ADAMTS16: variants seen among roughly 807,000 people sequenced by gnomAD.
ADAMTS16 encodes the protein ADAM metallopeptidase with thrombospondin type 1 motif 16.
ADAMTS16 carries 94 observed loss-of-function variants against 145.8 expected under a neutral mutation model. The observed-to-expected ratio is 0.64, with a 90% CI of 0.55 to 0.77. The LOEUF is 0.77. Ranked by LOEUF, ADAMTS16 falls within the 30% of genes least tolerant of loss-of-function variation. The probability of loss-of-function intolerance (pLI) is 0.00; values close to 1 mark genes in which losing one functional copy is unlikely to be tolerated. For synonymous variants in ADAMTS16, 659 were observed against 604.3 expected, an observed-to-expected ratio of 1.09 and a Z score of -1.33; for missense variants, 1,585 against 1,591.5, an observed-to-expected ratio of 1.00 and a Z score of 0.07.
intron 10 of ADAMTS16, among the ~76,000 whole-genome samples, chr5:5,222,316 A>AATGGATGG (rs10664937): frequency 0.094 from 13,945 of 148,474 alleles, 773 homozygotes; most frequent in African/African-American, 0.15. Flanking sequence ...TGCATGGTTA[A>AATGGATGG]ATGGATGGAT....
At chr5:5,246,924 G>A (rs536813258) in intron 17 of ADAMTS16, among the ~76,000 whole-genome samples, 9 of 152,202 alleles carry the variant, frequency 5.9e-5, no homozygotes, top group Non-Finnish European at 1.3e-4. Flanking sequence ...AGACTGCGTT[G>A]TGTTCCAAGA....
chr5:5,236,024 A>G (rs2964435), intron 13 of ADAMTS16, among the ~76,000 whole-genome samples: 149,034 of 152,304 alleles, frequency 0.98, 72,973 homozygotes, highest in East Asian at 1. Context: ...TGTAGCCAGT[A>G]TGATACAGGC....
chr5:5,187,947 C>A (rs1275147018), intron 6 of ADAMTS16, 139 bp downstream of exon 6: 1 of 575,138 alleles, frequency 1.7e-6, no homozygotes, highest in South Asian at 2.5e-5. Flanking sequence ...GTGTCTACTG[C>A]AAATGAGTGT....
chr5:5,167,971 G>C (rs1463864360), intron 3 of ADAMTS16, among the ~76,000 whole-genome samples: 1 of 152,186 alleles, frequency 6.6e-6, no homozygotes, highest in Non-Finnish European at 1.5e-5. Flanking sequence ...AATGTGCATA[G>C]CCACATGTGG....
At chr5:5,201,656 G>T (rs1735960857) in intron 9 of ADAMTS16, among the ~76,000 whole-genome samples, 1 of 151,768 alleles carries the variant, frequency 6.6e-6, no homozygotes, top group Non-Finnish European at 1.5e-5. Context: ...ATAATCTCCA[G>T]GGAGATTCCA....
At chr5:5,261,164 G>T (rs143626046) in intron 17 of ADAMTS16, among the ~76,000 whole-genome samples, 2 of 152,222 alleles carry the variant, frequency 1.3e-5, no homozygotes, top group East Asian at 3.9e-4. Context: ...TTTGAGATAG[G>T]GTTTCCCTCT....
chr5:5,143,769 C>T (rs1453103765), intron 2 of ADAMTS16, among the ~76,000 whole-genome samples: 2 of 152,096 alleles, frequency 1.3e-5, no homozygotes, highest in Admixed American at 1.3e-4. Flanking sequence ...GAAAATGTGG[C>T]ACATATACAC....
intron 3 of ADAMTS16, among the ~76,000 whole-genome samples, chr5:5,156,476 A>G (rs1342517806): frequency 1.3e-5 from 2 of 152,232 alleles, no homozygotes; most frequent in African/African-American, 4.8e-5. Flanking sequence ...AAGTAGGAAT[A>G]TTCCAGCCTT....
intron 3 of ADAMTS16, among the ~76,000 whole-genome samples, chr5:5,149,541 A>AT (rs1187579304): frequency 6.6e-6 from 1 of 152,232 alleles, no homozygotes; most frequent in Non-Finnish European, 1.5e-5. Flanking sequence ...AAACAGCTTT[A>AT]TTGAGATGTA....
intron 3 of ADAMTS16, among the ~76,000 whole-genome samples, chr5:5,153,807 A>G (rs939177630): frequency 6.6e-6 from 1 of 152,226 alleles, no homozygotes; most frequent in Non-Finnish European, 1.5e-5. Context: ...CGTCTTGCAT[A>G]AAACATGATG....
At chr5:5,233,993 C>T (rs772335983) in intron 12 of ADAMTS16, among the ~76,000 whole-genome samples, 18 of 152,204 alleles carry the variant, frequency 1.2e-4, no homozygotes, top group Non-Finnish European at 2.4e-4. Context: ...TCCATAACCT[C>T]GCCAGCACCT....
chr5:5,192,318 C>A (rs929514174), intron 8 of ADAMTS16, among the ~76,000 whole-genome samples: 8 of 152,158 alleles, frequency 5.3e-5, no homozygotes, highest in African/African-American at 1.9e-4. Context: ...ATTCCTCTGT[C>A]CCGTGTTTTG....
At chr5:5,171,099 C>T (rs922420552) in intron 3 of ADAMTS16, among the ~76,000 whole-genome samples, 6 of 151,830 alleles carry the variant, frequency 4.0e-5, no homozygotes, top group Admixed American at 2.0e-4. Flanking sequence ...GAAATGCTAC[C>T]GATTTTCGTA....
chr5:5,253,630 C>T (rs762891390), intron 17 of ADAMTS16, among the ~76,000 whole-genome samples: 53 of 152,116 alleles, frequency 3.5e-4, no homozygotes, highest in Admixed American at 3.3e-4. Flanking sequence ...CAATGCAACC[C>T]GCACTTCCTG....
intron 17 of ADAMTS16, among the ~76,000 whole-genome samples, chr5:5,261,491 T>C (rs1416022528): frequency 3.7e-3 from 14 of 3,788 alleles, no homozygotes; most frequent in African/African-American, 4.7e-3. Flanking sequence ...TATAGCCTCT[T>C]TTTTTTTTTT....
intron 1 of ADAMTS16, 50 bp downstream of exon 1, chr5:5,140,589 T>C: frequency 6.6e-7 from 1 of 1,514,936 alleles, no homozygotes; most frequent in African/African-American, 1.4e-5. Context: ...TCCGGACAGC[T>C]GGAGGCGAGT....
intron 10 of ADAMTS16, among the ~76,000 whole-genome samples, chr5:5,209,632 A>G (rs1283772065): frequency 2.0e-5 from 3 of 152,210 alleles, no homozygotes; most frequent in Admixed American, 6.5e-5. Flanking sequence ...ACTATAAAGC[A>G]GCAGCTTACC....
At chr5:5,230,552 G>A (rs1736891569) in intron 11 of ADAMTS16, among the ~76,000 whole-genome samples, 1 of 152,140 alleles carries the variant, frequency 6.6e-6, no homozygotes. Context: ...AAATGAGACT[G>A]GACGTGAGTT....
At chr5:5,208,579 G>C (rs1736190972) in intron 9 of ADAMTS16, among the ~76,000 whole-genome samples, 1 of 152,168 alleles carries the variant, frequency 6.6e-6, no homozygotes. Flanking sequence ...AGCATTGCTG[G>C]TGGAAATCCA....
Sources: gnomAD v4.1 joint callset for allele counts (sites outside exome capture counted in the v4.1 genomes callset) on GRCh38, gnomAD v4.1.1 for gene constraint, MANE v1.5 for transcripts, NCBI Gene and HGNC (gene_info 2026-07-23, HGNC 2026-07-21) for gene names.